CAMK1D: variants seen among roughly 807,000 people sequenced by gnomAD.
The protein encoded by CAMK1D is calcium/calmodulin-dependent protein kinase type 1D.
Under a neutral mutation model 47.7 loss-of-function variants are expected in CAMK1D, and 9 were observed. That is an observed-to-expected ratio of 0.19 (90% CI 0.11 to 0.33). The LOEUF (loss-of-function observed/expected upper bound fraction) is 0.33. Among genes scored for constraint, CAMK1D ranks in the 10% least tolerant of loss-of-function variants. CAMK1D has a pLI of 1.00. For synonymous variants in CAMK1D, 184 were observed against 184.9 expected (o/e 0.99, Z 0.04); for missense variants, 291 against 488.7 (o/e 0.60, Z 3.81).
chr10:12,672,203 C>A (rs979314656), intron 3 of CAMK1D, among the ~76,000 whole-genome samples: 1 of 151,946 alleles, frequency 6.6e-6, no homozygotes, highest in Non-Finnish European at 1.5e-5. Context: ...GCGTGAGCCA[C>A]CTCGCCGGGC....
chr10:12,416,494 T>C (rs1220349504), intron 1 of CAMK1D, among the ~76,000 whole-genome samples: 2 of 152,250 alleles, frequency 1.3e-5, no homozygotes, highest in Non-Finnish European at 2.9e-5. Flanking sequence ...TCTCCGCTCC[T>C]GTCTCTGCTC....
At chr10:12,431,371 C>T (rs893170206) in intron 1 of CAMK1D, among the ~76,000 whole-genome samples, 4 of 152,068 alleles carry the variant, frequency 2.6e-5, no homozygotes, top group Admixed American at 2.6e-4. Context: ...TAGAAAGGAG[C>T]CGGGTGCACA....
At chr10:12,420,968 T>G (rs1231727913) in intron 1 of CAMK1D, among the ~76,000 whole-genome samples, 1 of 152,144 alleles carries the variant, frequency 6.6e-6, no homozygotes, top group Non-Finnish European at 1.5e-5. Flanking sequence ...GAGACAGGTG[T>G]ATTGCTTTCC....
At chr10:12,376,162 CAA>C (rs59804213) in intron 1 of CAMK1D, among the ~76,000 whole-genome samples, 133 of 59,982 alleles carry the variant, frequency 2.2e-3, no homozygotes, top group South Asian at 8.4e-3. Flanking sequence ...GACTCTGTCC[CAA>C]AAAAAAAAAA....
intron 1 of CAMK1D, among the ~76,000 whole-genome samples, chr10:12,397,333 C>T (rs1247002790): frequency 6.6e-6 from 1 of 152,178 alleles, no homozygotes; most frequent in Non-Finnish European, 1.5e-5. Context: ...TTTGTGTGTC[C>T]TTGACCCTTG....
At chr10:12,635,586 A>G (rs867079169) in intron 2 of CAMK1D, among the ~76,000 whole-genome samples, 12 of 152,154 alleles carry the variant, frequency 7.9e-5, no homozygotes, top group East Asian at 3.9e-4. Context: ...CTGGGGGGGA[A>G]GAGGCCCTCT....
intron 5 of CAMK1D, among the ~76,000 whole-genome samples, chr10:12,771,994 A>T (rs1837061320): frequency 6.6e-6 from 1 of 151,878 alleles, no homozygotes; most frequent in Non-Finnish European, 1.5e-5. Context: ...AGATTGCGCC[A>T]CTGCACTCCA....
chr10:12,534,731 G>A (rs774659819), intron 1 of CAMK1D, among the ~76,000 whole-genome samples: 3 of 152,152 alleles, frequency 2.0e-5, no homozygotes, highest in South Asian at 2.1e-4. Context: ...GGATCAGTGC[G>A]AATGTTGCTG....
chr10:12,742,813 G>A (rs1005585769), intron 3 of CAMK1D, among the ~76,000 whole-genome samples: 5 of 150,916 alleles, frequency 3.3e-5, no homozygotes, highest in South Asian at 2.1e-4. Context: ...CCCCGAGGTC[G>A]TCTAAGAATA....
intron 1 of CAMK1D, among the ~76,000 whole-genome samples, chr10:12,375,132 C>G (rs565129573): frequency 6.6e-6 from 1 of 152,192 alleles, no homozygotes; most frequent in East Asian, 1.9e-4. Flanking sequence ...TTCTCTGATG[C>G]AACCGAAATC....
At chr10:12,477,675 G>A (rs1833941341) in intron 1 of CAMK1D, among the ~76,000 whole-genome samples, 1 of 152,202 alleles carries the variant, frequency 6.6e-6, no homozygotes, top group African/African-American at 2.4e-5. Flanking sequence ...GACTGTGGAG[G>A]GAGGGGCAGG....
At chr10:12,532,460 T>C (rs1208230542) in intron 1 of CAMK1D, among the ~76,000 whole-genome samples, 2 of 152,256 alleles carry the variant, frequency 1.3e-5, no homozygotes, top group East Asian at 1.9e-4. Flanking sequence ...TTTGTATTTT[T>C]AGTAGAGACG....
intron 1 of CAMK1D, among the ~76,000 whole-genome samples, chr10:12,504,256 GA>G (rs1834801965): frequency 7.5e-6 from 1 of 133,624 alleles, no homozygotes; most frequent in Admixed American, 7.1e-5. Context: ...ACACATCTAG[GA>G]GCTGGAGACC....
chr10:12,548,013 G>T (rs776523788), intron 1 of CAMK1D, among the ~76,000 whole-genome samples: 2 of 152,084 alleles, frequency 1.3e-5, no homozygotes, highest in African/African-American at 4.8e-5. Flanking sequence ...TGTCACCTGC[G>T]GTGCTTGCCA....
intron 1 of CAMK1D, among the ~76,000 whole-genome samples, chr10:12,490,272 C>T (rs1248935021): frequency 6.6e-6 from 1 of 152,066 alleles, no homozygotes; most frequent in Admixed American, 6.6e-5. Flanking sequence ...TGTGAAACAG[C>T]GAGACTGTTC....
chr10:12,639,442 G>A lies in CAMK1D; in HGVS notation c.225-27294G>A, dbSNP rs181616366. ...GGAGGTTGCAGGGAGCCAAGATCAC[G>A]CCATCGCACTCCAGCTTGGGCGACA... On this transcript the variant is annotated intron_variant, in intron 2 of 10. Coordinates refer to ENST00000619168, the MANE Select transcript of CAMK1D (RefSeq NM_153498.4). 1.8e-3 allele frequency among the ~76,000 whole-genome samples: 278 copies of A among 152,282 alleles called. 3 individuals are homozygous for A. Among genetic ancestry groups the A allele is most frequent in the African/African-American group, 5.5e-3 (230 of 41,564 alleles).
At position 12,828,932 on chromosome 10, in the gene CAMK1D, G is replaced by T. The variant is rs1356982108; in HGVS notation, c.*45G>T. 3.5e-6 allele frequency: 5 copies of T among 1,440,454 alleles called. No individual in the cohort carries two copies. The highest frequency in any genetic ancestry group is 3.7e-6 in the Non-Finnish European group (4 of 1,073,096). The allele number at this position is 1,440,454 out of a possible 1,614,324, so 89.2% of individuals were successfully genotyped here. On this transcript the variant is annotated 3_prime_UTR_variant, in exon 11 of 11. Transcript: ENST00000619168. ...CCGGGGTCGGGGCTGGGGAAGGGGA[G>T]CCCCAGGGTCGCCAGAGCCGCGAGC... is the stretch of plus-strand genomic sequence containing the variant.
At chr10:12,791,492 C>T (rs1274250796) in intron 6 of CAMK1D, among the ~76,000 whole-genome samples, 1 of 152,190 alleles carries the variant, frequency 6.6e-6, no homozygotes, top group South Asian at 2.1e-4. Context: ...CCCTTCTCCC[C>T]TAGCCCCTGG....
intron 1 of CAMK1D, among the ~76,000 whole-genome samples, chr10:12,399,225 G>A (rs567435195): frequency 1.3e-4 from 20 of 152,168 alleles, no homozygotes; most frequent in South Asian, 4.1e-4. Context: ...GTTGAGGGCC[G>A]GCTGGGCGTG....
Sources: gnomAD v4.1 joint callset for allele counts (sites outside exome capture counted in the v4.1 genomes callset) on GRCh38, gnomAD v4.1.1 for gene constraint, MANE v1.5 for transcripts, NCBI Gene and HGNC (gene_info 2026-07-23, HGNC 2026-07-21) for gene names.